The following MYH14 variants were observed in gnomAD, a reference collection of about 807,000 sequenced individuals.
MYH14 encodes myosin heavy chain 14, also known as myosin-14.
MYH14 carries 123 observed loss-of-function variants against 255.5 expected under a neutral mutation model. The ratio of observed to expected loss-of-function variants is 0.48; its 90% CI spans 0.42 to 0.56. The LOEUF (loss-of-function observed/expected upper bound fraction) is 0.56, where lower values mean the gene tolerates loss of function less well. Among genes scored for constraint, MYH14 ranks in the 20% least tolerant of loss-of-function variants. MYH14 has a pLI of 0.00. For missense variants in MYH14, 2,423 were observed against 2,802.3 expected, an observed-to-expected ratio of 0.86 and a Z score of 3.06; for synonymous variants, 1,095 against 1,161.2, an observed-to-expected ratio of 0.94 and a Z score of 1.16.
chr19:50,274,967 A>T (rs1027611400), intron 27 of MYH14, among the ~76,000 whole-genome samples: 7 of 150,148 alleles, frequency 4.7e-5, no homozygotes, highest in South Asian at 2.1e-4. Context: ...GCCACTCCCC[A>T]TCCCTCCTTC....
chr19:50,254,441 C>T (rs908990420), intron 16 of MYH14, among the ~76,000 whole-genome samples: 3 of 152,068 alleles, frequency 2.0e-5, no homozygotes, highest in African/African-American at 7.2e-5. Context: ...GAATCATCTC[C>T]CGGCTGAAAA....
chr19:50,274,244 G>A (rs907821954), intron 27 of MYH14, among the ~76,000 whole-genome samples: 1 of 152,070 alleles, frequency 6.6e-6, no homozygotes, highest in Non-Finnish European at 1.5e-5. Context: ...CAATTCAGTA[G>A]ATTTTGCCCA....
chr19:50,230,424 C>A lies in MYH14; in HGVS notation c.875-101C>A. Reference sequence around the variant, plus strand: ...GGCTGTGAGCGACTCCACTACACCACAGGAGAGAAGGGGGCAGCGTGGGCA... The same window carrying A: ...GGCTGTGAGCGACTCCACTACACCAAAGGAGAGAAGGGGGCAGCGTGGGCA... On this transcript the variant is annotated intron_variant, in intron 8 of 42. Coordinates refer to ENST00000642316, the MANE Select transcript of MYH14 (RefSeq NM_001145809.2). This position sits in a 1 kb window ranked among gnomAD's most constrained non-coding sequence, Gnocchi z 4.7. 9.5e-7 allele frequency: 1 copy of A among 1,055,066 alleles called. No homozygotes were observed. Among genetic ancestry groups the A allele is most frequent in the Non-Finnish European group, 1.4e-6 (1 of 700,590 alleles). 65.4% of individuals were successfully genotyped at this position (1,055,066 alleles called of 1,614,324 possible). A position where few individuals can be genotyped will look rare whatever the true frequency, so the allele number is the denominator to read the frequency against.
chr19:50,249,282 T>C, intron 13 of MYH14, 143 bp downstream of exon 13: 2 of 993,848 alleles, frequency 2.0e-6, no homozygotes, highest in Non-Finnish European at 2.9e-6. Flanking sequence ...CTCTGGTCTC[T>C]GTCCCCCTCT....
intron 16 of MYH14, among the ~76,000 whole-genome samples, chr19:50,254,329 G>T (rs2034513076): frequency 6.6e-6 from 1 of 152,154 alleles, no homozygotes; most frequent in Non-Finnish European, 1.5e-5. Flanking sequence ...GTGAGCTCAT[G>T]CTAGAAAGAT....
chr19:50,224,311 T>G, intron 6 of MYH14, 134 bp downstream of exon 6: 1 of 1,172,090 alleles, frequency 8.5e-7, no homozygotes, highest in Non-Finnish European at 1.3e-6. Context: ...GCCCCACCAC[T>G]GCTATTCATG....
At position 50,210,698 on chromosome 19, in the gene MYH14, C is replaced by G; in HGVS notation, c.333C>G (p.Ala111=). The G allele has an allele frequency of 1.9e-6, 3 of 1,569,206 alleles. No homozygotes were observed. Among genetic ancestry groups the G allele is most frequent in the Non-Finnish European group, 8.6e-7 (1 of 1,159,164 alleles). Residue 111 remains alanine, a synonymous_variant, in exon 2 of 43, where the codon GCC becomes GCG. Coordinates refer to ENST00000642316, the MANE Select transcript of MYH14 (RefSeq NM_001145809.2). ...AGTTCAGCAAGGCCGAGGACATGGCCGAGCTGACCTGCCTCAACGAGGCCT... is the reference window on the plus strand; with the variant it reads ...AGTTCAGCAAGGCCGAGGACATGGCGGAGCTGACCTGCCTCAACGAGGCCT... ...PPKFSKAEDM[A]ELTCLNEASV...
chr19:50,255,792 G>A (rs1032567164), intron 17 of MYH14, among the ~76,000 whole-genome samples: 4 of 151,538 alleles, frequency 2.6e-5, no homozygotes, highest in South Asian at 2.1e-4. Flanking sequence ...AAAATGACAG[G>A]GAGTACGGGG....
intron 30 of MYH14, 73 bp downstream of exon 30, chr19:50,278,362 A>G (rs1237132726): frequency 1.8e-5 from 21 of 1,137,470 alleles, no homozygotes; most frequent in East Asian, 5.3e-5. Context: ...CTGGGCTTCT[A>G]TTTGGTCCAT....
At chr19:50,229,239 G>A (rs1181477949) in intron 8 of MYH14, among the ~76,000 whole-genome samples, 2 of 152,226 alleles carry the variant, frequency 1.3e-5, no homozygotes, top group Non-Finnish European at 2.9e-5. Context: ...ATGGACCTCA[G>A]GTTTGCAGCT....
chr19:50,306,993 G>A lies in MYH14; in HGVS notation c.5679-56G>A. On this transcript the variant is annotated intron_variant, in intron 40 of 42. Coordinates refer to ENST00000642316, the MANE Select transcript of MYH14 (RefSeq NM_001145809.2). ...GACAGCCACTGCATGAGTCTATGGG[G>A]ACAAAATCCTAGGTTGAGCCCCTCT... 3.8e-6 allele frequency: 5 copies of A among 1,300,762 alleles called. No individual in the cohort carries two copies. In the South Asian group the frequency reaches 6.3e-5, roughly 16 times the overall value. The allele number at this position is 1,300,762 out of a possible 1,614,324, so 80.6% of individuals were successfully genotyped here.
intron 40 of MYH14, among the ~76,000 whole-genome samples, chr19:50,305,646 C>T (rs2036629196): frequency 6.6e-6 from 1 of 152,016 alleles, no homozygotes. Context: ...AGTCACCCTG[C>T]ACCAGGTGCA....
chr19:50,303,074 G>C (rs2036547270), intron 40 of MYH14, among the ~76,000 whole-genome samples: 1 of 152,110 alleles, frequency 6.6e-6, no homozygotes, highest in Non-Finnish European at 1.5e-5. Flanking sequence ...AGTTATAGCT[G>C]AATTACAAAC....
At position 50,217,786 on chromosome 19, in the gene MYH14, G is replaced by A. The variant is rs1387918367; in HGVS notation, c.562+15G>A. The A allele has an allele frequency of 1.9e-6, 3 of 1,610,106 alleles. No individual in the cohort carries two copies. The Admixed American group carries it at 5.0e-5, about 27-fold the overall frequency. ...CATGCTGCAGGGTGAGTGCTGGGTG[G>A]GGCTGTAGGCCAGCGAGGCGGCTCT... On this transcript the variant is annotated intron_variant, in intron 3 of 42. Transcript: ENST00000642316.
In MYH14 at chr19:50,307,148, C is replaced by T. The variant is rs201839634; in HGVS notation, c.5778C>T (p.Leu1926=). The change falls in exon 41 of 43, where the codon CTC becomes CTT. Residue 1926 remains leucine, a synonymous_variant. Transcript: ENST00000642316. ...AGGAGCGGAGGGTGGCTGACCAGCTCCGGGACCAGGTAAGCAGCTGGCATC... is the reference window on the plus strand; with the variant it reads ...AGGAGCGGAGGGTGGCTGACCAGCTTCGGGACCAGGTAAGCAGCTGGCATC... ...VEEERRVADQ[L]RDQLEKGNLR... 102 of 1,546,562 alleles carry T rather than the reference C, an allele frequency of 6.6e-5. No individual in the cohort carries two copies. The African/African-American group carries it at 1.2e-3, about 18-fold the overall frequency.
chr19:50,247,253 G>T, intron 12 of MYH14, 131 bp downstream of exon 12: 1 of 643,234 alleles, frequency 1.6e-6, no homozygotes, highest in Non-Finnish European at 2.8e-6. Flanking sequence ...TACCGATCCT[G>T]GTCTAGGTGC....
intron 6 of MYH14, among the ~76,000 whole-genome samples, chr19:50,224,561 C>A (rs1235040957): frequency 6.6e-6 from 1 of 152,150 alleles, no homozygotes; most frequent in Admixed American, 6.6e-5. Context: ...GACAAAGCAT[C>A]CACCTAGCTA....
chr19:50,268,541 G>T (rs535207069), intron 24 of MYH14, among the ~76,000 whole-genome samples, 174 bp downstream of exon 24: 1 of 152,382 alleles, frequency 6.6e-6, no homozygotes, highest in South Asian at 2.1e-4. Context: ...ACCTTAAAAT[G>T]TGTGAGCTTC....
chr19:50,284,988 C>G (rs932887526), intron 33 of MYH14: 1 of 149,858 alleles, frequency 6.7e-6, no homozygotes, highest in Admixed American at 6.7e-5. Flanking sequence ...CTTCTGCTTC[C>G]CGGGTTCAAG....
Sources: gnomAD v4.1 joint callset for allele counts (sites outside exome capture counted in the v4.1 genomes callset) on GRCh38, gnomAD v4.1.1 for gene constraint, Gnocchi (gnomAD v3.1) non-coding constraint, MANE v1.5 for transcripts, NCBI Gene and HGNC (gene_info 2026-07-23, HGNC 2026-07-21) for gene names.